POU6F2: variants seen among roughly 807,000 people sequenced by gnomAD.
POU6F2 encodes the protein POU class 6 homeobox 2.
POU6F2 carries 31 observed loss-of-function variants against 71.3 expected under a neutral mutation model. The observed-to-expected ratio is 0.43, with a 90% CI of 0.33 to 0.59. The LOEUF is 0.59. Ranked by LOEUF, POU6F2 falls within the 20% of genes least tolerant of loss-of-function variation. The pLI is 0.04. For missense variants in POU6F2, 783 were observed against 856.8 expected (o/e 0.91, Z 1.07); for synonymous variants, 347 against 355.7 (o/e 0.98, Z 0.27).
intron 2 of POU6F2, among the ~76,000 whole-genome samples, chr7:39,171,016 C>CTTTTTTTTTTTT (rs760022218): frequency 3.2e-5 from 3 of 94,552 alleles, no homozygotes; most frequent in South Asian, 4.0e-4. Context: ...TCACATATAT[C>CTTTTTTTTTTTT]TTTTTTTTTT....
At chr7:39,078,659 G>C (rs1319185375) in intron 1 of POU6F2, among the ~76,000 whole-genome samples, 1 of 152,144 alleles carries the variant, frequency 6.6e-6, no homozygotes, top group Non-Finnish European at 1.5e-5. Flanking sequence ...GAGCTCACGG[G>C]TCAGCAAACT....
chr7:39,437,994 G>A (rs963822922), intron 7 of POU6F2, among the ~76,000 whole-genome samples: 3 of 151,704 alleles, frequency 2.0e-5, no homozygotes, highest in South Asian at 2.1e-4. Context: ...TGTGCACAAC[G>A]TGCAGGTTTG....
intron 5 of POU6F2, among the ~76,000 whole-genome samples, chr7:39,371,225 G>C (rs900478186): frequency 2.0e-5 from 3 of 151,734 alleles, no homozygotes; most frequent in African/African-American, 7.3e-5. Context: ...TGTCACCCAG[G>C]CTGGAGTGCA....
At chr7:39,223,682 A>G (rs77772323) in intron 4 of POU6F2, among the ~76,000 whole-genome samples, 3,780 of 152,220 alleles carry the variant, frequency 0.025, 135 homozygotes, top group East Asian at 0.054. Context: ...TTCCTGAATC[A>G]CAAGAATTTC....
chr7:39,339,082 T>TA (rs1554344614), intron 4 of POU6F2, among the ~76,000 whole-genome samples: 15,541 of 143,876 alleles, frequency 0.11, 838 homozygotes, highest in South Asian at 0.16. Flanking sequence ...TTTGAATTTT[T>TA]AAAAAAAAAA....
intron 4 of POU6F2, among the ~76,000 whole-genome samples, chr7:39,209,240 G>A (rs1022622258): frequency 1.3e-5 from 2 of 152,058 alleles, no homozygotes; most frequent in South Asian, 4.1e-4. Flanking sequence ...TTGGAGTTTG[G>A]TTCTTTGAGT....
At chr7:39,137,381 T>C (rs956120524) in intron 2 of POU6F2, among the ~76,000 whole-genome samples, 1 of 152,268 alleles carries the variant, frequency 6.6e-6, no homozygotes, top group Middle Eastern at 3.4e-3. Flanking sequence ...CCTCCATACA[T>C]TGGAATATTT....
At chr7:39,350,958 T>C (rs1019661309) in intron 5 of POU6F2, among the ~76,000 whole-genome samples, 2 of 149,488 alleles carry the variant, frequency 1.3e-5, no homozygotes, top group African/African-American at 2.6e-5. Flanking sequence ...GTTCCCAATG[T>C]TGGCTGTACG....
intron 5 of POU6F2, among the ~76,000 whole-genome samples, chr7:39,385,510 TG>T (rs1786919290): frequency 6.6e-6 from 1 of 152,206 alleles, no homozygotes; most frequent in Admixed American, 6.5e-5. Context: ...GCTGCCAAGT[TG>T]CTCAGAGTGG....
At chr7:39,307,293 G>A (rs1241903042) in intron 4 of POU6F2, among the ~76,000 whole-genome samples, 1 of 152,030 alleles carries the variant, frequency 6.6e-6, no homozygotes, top group African/African-American at 2.4e-5. Context: ...TTAAGAAAAA[G>A]AGTACCAAAT....
chr7:39,251,501 A>G (rs1783914983), intron 4 of POU6F2, among the ~76,000 whole-genome samples: 1 of 152,202 alleles, frequency 6.6e-6, no homozygotes, highest in South Asian at 2.1e-4. Context: ...GAAACTAAAA[A>G]TCTGTGGAGA....
At chr7:39,346,433 T>G (rs976578663) in intron 5 of POU6F2, among the ~76,000 whole-genome samples, 11 of 152,204 alleles carry the variant, frequency 7.2e-5, no homozygotes, top group African/African-American at 2.4e-4. Context: ...TTGCAGCGTT[T>G]GAACATGGCA....
chr7:39,111,808 GA>G (rs1183696310), intron 2 of POU6F2, among the ~76,000 whole-genome samples: 13 of 151,958 alleles, frequency 8.6e-5, no homozygotes, highest in Admixed American at 8.5e-4. Flanking sequence ...TGAACACTTA[GA>G]AAGCCATTGG....
In POU6F2 at chr7:39,339,794, C is replaced by T; in HGVS notation, c.751C>T (p.Pro251Ser). ...PSQSQQQPLQ[P>S]TPPQQPPPAS... ...GCAGTCCCAGCAGCAGCCGCTGCAG[C>T]CCACCCCACCCCAGCAGCCACCACC... The change falls in exon 5 of 10, where the codon CCC becomes TCC. Residue 251 changes from proline to serine, a missense_variant. By Grantham distance (74) the Pro-to-Ser change is moderately conservative. Transcript: ENST00000518318. 1.9e-6 allele frequency: 3 copies of T among 1,570,690 alleles called. No individual in the cohort carries two copies. The highest frequency in any genetic ancestry group is 1.7e-6 in the Non-Finnish European group (2 of 1,158,502).
intron 4 of POU6F2, among the ~76,000 whole-genome samples, chr7:39,247,097 G>T (rs531819454): frequency 1.3e-5 from 2 of 152,078 alleles, no homozygotes; most frequent in East Asian, 3.9e-4. Flanking sequence ...AGCTCTGTGC[G>T]TGGGTGCTTC....
At chr7:38,988,096 A>G (rs528084975) in intron 1 of POU6F2, among the ~76,000 whole-genome samples, 30 of 152,138 alleles carry the variant, frequency 2.0e-4, no homozygotes, top group Non-Finnish European at 3.8e-4. Context: ...GTAAGTACAG[A>G]TCATCATCCC....
chr7:39,034,551 C>G (rs1790017022), intron 1 of POU6F2: 2 of 373,448 alleles, frequency 5.4e-6, no homozygotes, highest in Non-Finnish European at 1.1e-5. Context: ...AGATTGGGTT[C>G]GCTCTGGGCT....
chr7:39,311,286 A>T lies in POU6F2; in HGVS notation c.599-28356A>T, dbSNP rs116936868. Reference sequence around the variant, plus strand: ...AAAAGCAGCCAGGTTCTAAAAAATTAAAAAAAAAAACAAACACCAAGTCAT... The same window carrying T: ...AAAAGCAGCCAGGTTCTAAAAAATTTAAAAAAAAAACAAACACCAAGTCAT... On this transcript the variant is annotated intron_variant, in intron 4 of 9. Coordinates refer to ENST00000518318, the MANE Select transcript of POU6F2 (RefSeq NM_001370959.1). 9.6e-3 allele frequency among the ~76,000 whole-genome samples: 1,384 copies of T among 143,902 alleles called. 22 individuals carry two copies. The highest frequency in any genetic ancestry group is 0.039 in the East Asian group (197 of 5,012). The allele number at this position is 143,902 out of a possible 152,430, so 94.4% of individuals were successfully genotyped here.
At chr7:39,148,630 C>A (rs1792673538) in intron 2 of POU6F2, among the ~76,000 whole-genome samples, 1 of 151,444 alleles carries the variant, frequency 6.6e-6, no homozygotes, top group Non-Finnish European at 1.5e-5. Flanking sequence ...ATTACCACTT[C>A]ATGAATGCTG....
Sources: gnomAD v4.1 joint callset for allele counts (sites outside exome capture counted in the v4.1 genomes callset) on GRCh38, gnomAD v4.1.1 for gene constraint, MANE v1.5 for transcripts, NCBI Gene and HGNC (gene_info 2026-07-23, HGNC 2026-07-21) for gene names.